PLIN1: variants seen among roughly 807,000 people sequenced by gnomAD.
PLIN1 encodes the protein perilipin 1.
In PLIN1, 37 loss-of-function variants were observed where a neutral mutation model predicts 45.8. The observed-to-expected ratio is 0.81, with a 90% CI of 0.62 to 1.06. The LOEUF is 1.06. Among genes scored for constraint, PLIN1 ranks in the 50% least tolerant of loss-of-function variants. The pLI, the probability that PLIN1 is intolerant of heterozygous loss-of-function variation, is 0.00. For synonymous variants in PLIN1, 340 were observed against 309.2 expected, an observed-to-expected ratio of 1.10 and a Z score of -1.05; for missense variants, 776 against 716.5, an observed-to-expected ratio of 1.08 and a Z score of -0.95.
At chr15:89,670,599 C>T (rs920418595) in intron 4 of PLIN1, among the ~76,000 whole-genome samples, 1 of 152,182 alleles carries the variant, frequency 6.6e-6, no homozygotes, top group Non-Finnish European at 1.5e-5. Context: ...CACAGCATTT[C>T]TGTTGATTTA....
At chr15:89,669,829 G>C in intron 5 of PLIN1, 151 bp downstream of exon 5, 1 of 899,688 alleles carries the variant, frequency 1.1e-6, no homozygotes, top group Non-Finnish European at 1.7e-6. Context: ...GATGGGGTGG[G>C]GGTGGGGGGG....
intron 2 of PLIN1, among the ~76,000 whole-genome samples, chr15:89,676,094 T>C (rs1964510945): frequency 1.3e-5 from 2 of 151,910 alleles, no homozygotes; most frequent in African/African-American, 2.4e-5. Flanking sequence ...AGGCTCTCTG[T>C]AGCTTTGAAT....
At chr15:89,672,595 C>A (rs889418589) in intron 3 of PLIN1, among the ~76,000 whole-genome samples, 24 of 152,192 alleles carry the variant, frequency 1.6e-4, no homozygotes, top group Non-Finnish European at 1.9e-4. Context: ...GGCATTGCTG[C>A]GATTTCCCTC....
Position 89,666,038 on chromosome 15 carries a change from G to A in PLIN1, c.1210-96C>T, listed in dbSNP as rs1244027224. 4.1e-5 allele frequency: 40 copies of A among 979,400 alleles called. No homozygotes were observed. The South Asian group carries it at 6.1e-4, about 15-fold the overall frequency. The allele number at this position is 979,400 out of a possible 1,614,324, so 60.7% of individuals were successfully genotyped here. ...TCCCGGGCCCCTCGATTGTTCCCCC[G>A]GGAGCGGCCGTCAGGAGGACACAGG... On this transcript the variant is annotated intron_variant, in intron 8 of 8. Transcript: ENST00000300055.
rs8179070 is a variant in PLIN1 at position 89,667,745 on chromosome 15, G to A, written c.820C>T (p.Arg274Trp). ...GASVAMQAVS[R>W]RRSEVRVPWL... ...GGTACCCGCACTTCGCTCCTCCGCC[G>A]GGACACCGCCTGCATGGCCACTGAG... The change falls in exon 7 of 9, where the codon CGG (arginine) becomes TGG (tryptophan). Residue 274 changes from arginine to tryptophan, a missense_variant. Physicochemically the swap from Arg to Trp is moderately radical, Grantham distance 101 (BLOSUM62 -3). Transcript: ENST00000300055. 1.7e-4 allele frequency: 261 copies of A among 1,566,348 alleles called. 1 individual carries two copies. Among genetic ancestry groups the A allele is most frequent in the South Asian group, 9.3e-4 (79 of 85,296 alleles).
rs759835059 is a variant in PLIN1, at chr15:89,670,066, C to T, written c.512G>A (p.Arg171Gln). ...AEFAANTRAG[R>Q]LASGGADLAL... ...CAAGTCGGCCCCTCCAGAAGCCAGT[C>T]GGCCAGCTCGAGTGTTGGCAGCAAA... Residue 171 changes from arginine (R) to glutamine (Q), a missense_variant, in exon 5 of 9, where the codon CGA becomes CAA. Transcript: ENST00000300055. 22 of 1,613,998 alleles carry T rather than the reference C, an allele frequency of 1.4e-5. No individual in the cohort carries two copies. In the Admixed American group the frequency reaches 1.8e-4, roughly 13 times the overall value.
intron 4 of PLIN1, among the ~76,000 whole-genome samples, chr15:89,670,666 AT>A (rs1964426359): frequency 6.6e-6 from 1 of 152,082 alleles, no homozygotes. Flanking sequence ...CTTTTTCTTC[AT>A]TATTCTGGGA....
intron 3 of PLIN1, among the ~76,000 whole-genome samples, chr15:89,672,306 T>C (rs1186204638): frequency 1.3e-5 from 2 of 152,210 alleles, no homozygotes; most frequent in African/African-American, 2.4e-5. Context: ...CCATGGCCAA[T>C]GGGGGCCACA....
At chr15:89,677,749 CTTTCT>C in intron 1 of PLIN1, 29 of 520,342 alleles carry the variant, frequency 5.6e-5, no homozygotes, top group East Asian at 1.6e-4. Flanking sequence ...TCTTTTCTTT[CTTTCT>C]TTTTTTTTTT....
chr15:89,666,865 G>A lies in PLIN1; in HGVS notation c.1209+71C>T, dbSNP rs1964348940. The A allele has an allele frequency of 2.5e-6, 4 of 1,580,588 alleles. No homozygotes were observed. The East Asian group carries it at 6.7e-5, about 27-fold the overall frequency. ...AAGGAGGGGGACTGCAGCCCCTTCA[G>A]TCAAATCTACTTTATCTGCCATGTC... On this transcript the variant is annotated intron_variant, in intron 8 of 8. Transcript: ENST00000300055.
At chr15:89,670,785 G>A (rs535835028) in intron 4 of PLIN1, among the ~76,000 whole-genome samples, 4 of 152,320 alleles carry the variant, frequency 2.6e-5, no homozygotes, top group African/African-American at 9.6e-5. Context: ...TTAAGGCTGT[G>A]TGGCCGTGGG....
Position 89,670,146 on chromosome 15 carries a change from C to T in PLIN1, c.432G>A (p.Gly144=), listed in dbSNP as rs763043814. 6.2e-7 allele frequency: 1 copy of T among 1,614,180 alleles called. No individual in the cohort carries two copies. Among genetic ancestry groups the T allele is most frequent in the South Asian group, 1.1e-5 (1 of 91,058 alleles). Residue 144 remains glycine (G), a synonymous_variant, in exon 5 of 9, where the codon GGG becomes GGA. Coordinates refer to ENST00000300055, the MANE Select transcript of PLIN1 (RefSeq NM_002666.5). ...PIASTSDKVL[G]AALAGCELAW... is the part of the protein sequence containing the mutation. ...CAAGCTCGCACCCGGCCAAAGCGGC[C>T]CCCAGGACCTTGTCTGAAGTGCTCG... is the stretch of plus-strand genomic sequence containing the variant.
rs920877790 is a variant in PLIN1, at chr15:89,665,698, G to C, written c.1454C>G (p.Pro485Arg). 8 of 1,472,458 alleles carry C rather than the reference G, an allele frequency of 5.4e-6. No individual in the cohort carries two copies. The highest frequency in any genetic ancestry group is 6.3e-6 in the Non-Finnish European group (7 of 1,115,242). The allele number at this position is 1,472,458 out of a possible 1,614,324, so 91.2% of individuals were successfully genotyped here. The change falls in exon 9 of 9, where the codon CCG becomes CGG. Residue 485 changes from proline to arginine, a missense_variant. By Grantham distance (103) the Pro-to-Arg change is moderately radical. Coordinates refer to ENST00000300055, the MANE Select transcript of PLIN1 (RefSeq NM_002666.5). ...ATPAAPRPGF[P>R]AVPREKPKRR... ...CTTTGGCTTCTCGCGGGGCACGGCC[G>C]GGAAGCCCGGGCGCGGCGCTGCGGG...
Position 89,665,052 on chromosome 15 carries a change from C to A in PLIN1, c.*531G>T, listed in dbSNP as rs1366336306. The A allele has an allele frequency of 2.4e-6, 1 of 409,202 alleles. No homozygotes were observed. The highest frequency in any genetic ancestry group is 4.9e-6 in the Non-Finnish European group (1 of 204,556). 25.3% of individuals were successfully genotyped at this position (409,202 alleles called of 1,614,324 possible). On this transcript the variant is annotated 3_prime_UTR_variant, in exon 9 of 9. Transcript: ENST00000300055. ...CCAAGAGCTTTTGCATCTGATTGTT[C>A]CCTTCAAAGTAGCCTGCTGGGAGCC...
At chr15:89,666,883 G>T in intron 8 of PLIN1, 53 bp downstream of exon 8, 2 of 1,605,648 alleles carry the variant, frequency 1.2e-6, no homozygotes, top group Non-Finnish European at 1.7e-6. Flanking sequence ...TACTTTATCT[G>T]CCATGTCCAG....
intron 7 of PLIN1, 25 bp from the exon 8 acceptor site, chr15:89,667,206 C>T (rs4032998): frequency 1.9e-6 from 3 of 1,611,852 alleles, no homozygotes; most frequent in South Asian, 1.1e-5. Context: ...AGGGTCAGTG[C>T]CTCCTGTGGT....
In PLIN1 at chr15:89,667,155, G is replaced by A. The variant is rs368134220; in HGVS notation, c.990C>T (p.Gly330=). 95 of 1,613,646 alleles carry A rather than the reference G, an allele frequency of 5.9e-5. No homozygotes were observed. In the Middle Eastern group the frequency reaches 8.6e-4, roughly 15 times the overall value. ...GGGTATGTGCCACACCACCCAGGAGGCCTCGAGGGCCTGGCAGGGCTGCTA... is the reference window on the plus strand; with the variant it reads ...GGGTATGTGCCACACCACCCAGGAGACCTCGAGGGCCTGGCAGGGCTGCTA... ...SEVAALPGPR[G]LLGGVAHTLQ... is the part of the protein sequence containing the mutation. Residue 330 remains glycine, a synonymous_variant, in exon 8 of 9, where the codon GGC becomes GGT. Transcript: ENST00000300055.
intron 2 of PLIN1, among the ~76,000 whole-genome samples, chr15:89,676,464 G>T (rs939608863): frequency 1.3e-5 from 2 of 152,120 alleles, no homozygotes; most frequent in Non-Finnish European, 2.9e-5. Context: ...AGCCAGGATG[G>T]TCTTGATCTC....
At chr15:89,678,184 T>C (rs1964547799) in intron 1 of PLIN1, among the ~76,000 whole-genome samples, 1 of 150,148 alleles carries the variant, frequency 6.7e-6, no homozygotes, top group Admixed American at 6.6e-5. Flanking sequence ...AGAGCCACCA[T>C]GCCCGGCCAA....
Sources: gnomAD v4.1 joint callset for allele counts (sites outside exome capture counted in the v4.1 genomes callset) on GRCh38, gnomAD v4.1.1 for gene constraint, MANE v1.5 for transcripts, NCBI Gene and HGNC (gene_info 2026-07-23, HGNC 2026-07-21) for gene names.